PGCKA1: variants seen among roughly 807,000 people sequenced by gnomAD.
PGCKA1 encodes PDCD10 and GCKIII kinases-associated protein 1.
the PGCKA1 span, among the ~76,000 whole-genome samples, chr4:37,503,590 G>C: frequency 6.6e-6 from 1 of 152,138 alleles, no homozygotes; most frequent in African/African-American, 2.4e-5. Context: ...ACAGCATACT[G>C]ATCTCCACAT....
At chr4:37,496,522 G>T in the PGCKA1 span, among the ~76,000 whole-genome samples, 1 of 152,148 alleles carries the variant, frequency 6.6e-6, no homozygotes, top group Non-Finnish European at 1.5e-5. Context: ...AGTAGAGTTT[G>T]ACTTTGGGTA....
the PGCKA1 span, among the ~76,000 whole-genome samples, chr4:37,505,385 T>C: frequency 1.3e-5 from 2 of 152,254 alleles, no homozygotes; most frequent in Non-Finnish European, 2.9e-5. Flanking sequence ...TTTTTGTTTT[T>C]TGTTTTTGAT....
chr4:37,570,407 A>G, the PGCKA1 span, among the ~76,000 whole-genome samples: 1 of 144,066 alleles, frequency 6.9e-6, no homozygotes, highest in South Asian at 2.3e-4. Flanking sequence ...AGACTGCCCA[A>G]AAGAGTAGGA....
chr4:37,533,918 G>A, the PGCKA1 span, among the ~76,000 whole-genome samples: 2 of 152,170 alleles, frequency 1.3e-5, no homozygotes, highest in Admixed American at 6.5e-5. Context: ...CTGGTTTTGG[G>A]ATTCAAAATA....
chr4:37,525,501 C>CTCTA, the PGCKA1 span, among the ~76,000 whole-genome samples: 1 of 92,366 alleles, frequency 1.1e-5, no homozygotes, highest in Non-Finnish European at 2.2e-5. Context: ...TACTTTTAAA[C>CTCTA]TGTATTAGCA....
the PGCKA1 span, among the ~76,000 whole-genome samples, chr4:37,562,405 T>G: frequency 1.3e-5 from 2 of 152,204 alleles, no homozygotes; most frequent in African/African-American, 4.8e-5. Flanking sequence ...CTCTGAAAAG[T>G]TTTAGGCAGG....
At chr4:37,524,868 A>T in the PGCKA1 span, among the ~76,000 whole-genome samples, 1 of 152,150 alleles carries the variant, frequency 6.6e-6, no homozygotes, top group Non-Finnish European at 1.5e-5. Flanking sequence ...AGAGTTCAAG[A>T]AGTGTAATGC....
At chr4:37,583,522 C>T in the PGCKA1 span, among the ~76,000 whole-genome samples, 17 of 152,008 alleles carry the variant, frequency 1.1e-4, no homozygotes, top group East Asian at 3.9e-4. Context: ...CTGCAAGCTC[C>T]GCCTCCCAGG....
the PGCKA1 span, among the ~76,000 whole-genome samples, chr4:37,583,626 A>G: frequency 6.6e-6 from 1 of 151,776 alleles, no homozygotes; most frequent in Non-Finnish European, 1.5e-5. Context: ...TTTAGTGGAG[A>G]CGGGGTTTCA....
the PGCKA1 span, among the ~76,000 whole-genome samples, chr4:37,556,011 C>A: frequency 2.0e-5 from 3 of 152,182 alleles, no homozygotes; most frequent in Admixed American, 1.3e-4. Context: ...TGGCATCCCA[C>A]CCTATTCTTT....
At chr4:37,457,380 G>A in the PGCKA1 span, among the ~76,000 whole-genome samples, 2 of 152,208 alleles carry the variant, frequency 1.3e-5, no homozygotes, top group Non-Finnish European at 2.9e-5. Context: ...ATTTGTAAGA[G>A]TATTAGTGAC....
At chr4:37,500,290 A>C in the PGCKA1 span, among the ~76,000 whole-genome samples, 1 of 152,228 alleles carries the variant, frequency 6.6e-6, no homozygotes, top group Non-Finnish European at 1.5e-5. Context: ...CTGCCTTAGC[A>C]GTATGCCTGA....
At chr4:37,460,953 G>C in the PGCKA1 span, 1 of 363,236 alleles carries the variant, frequency 2.8e-6, no homozygotes, top group African/African-American at 2.2e-5. Flanking sequence ...CTCTTCTGGG[G>C]TTTTTATGGT....
the PGCKA1 span, among the ~76,000 whole-genome samples, chr4:37,481,581 C>G: frequency 6.6e-6 from 1 of 150,990 alleles, no homozygotes; most frequent in East Asian, 2.0e-4. Flanking sequence ...ACCCTTTTGC[C>G]GACTCTTCAC....
At chr4:37,584,480 A>G in the PGCKA1 span, 2 of 152,826 alleles carry the variant, frequency 1.3e-5, no homozygotes, top group East Asian at 1.9e-4. Context: ...ATTCTGAAAG[A>G]GGAAAACCAC....
At chr4:37,580,949 T>A in the PGCKA1 span, among the ~76,000 whole-genome samples, 1 of 152,110 alleles carries the variant, frequency 6.6e-6, no homozygotes, top group Non-Finnish European at 1.5e-5. Flanking sequence ...ACTCAAACCA[T>A]AAGACAAGGC....
At chr4:37,454,370 C>T in the PGCKA1 span, among the ~76,000 whole-genome samples, 2 of 152,090 alleles carry the variant, frequency 1.3e-5, no homozygotes, top group African/African-American at 4.8e-5. Flanking sequence ...CTTTTAAATC[C>T]CTAACTAATG....
chr4:37,462,798 TCCTGGCTAACACAGTGAA>T, the PGCKA1 span, among the ~76,000 whole-genome samples: 1 of 151,856 alleles, frequency 6.6e-6, no homozygotes, highest in Non-Finnish European at 1.5e-5. Context: ...ATCGAGGCCA[TCCTGGCTAACACAGTGAA>T]ACCCCATCTC....
chr4:37,526,893 C>T, the PGCKA1 span, among the ~76,000 whole-genome samples: 2 of 152,150 alleles, frequency 1.3e-5, no homozygotes, highest in Admixed American at 6.5e-5. Context: ...AAAACAGCCT[C>T]AGGCAGGTCC....
Sources: gnomAD v4.1 joint callset for allele counts (sites outside exome capture counted in the v4.1 genomes callset) on GRCh38, gnomAD v4.1.1 for gene constraint, MANE v1.5 for transcripts, NCBI Gene and HGNC (gene_info 2026-07-23, HGNC 2026-07-21) for gene names.